The following ZNF45 variants were observed in gnomAD, a reference collection of about 807,000 sequenced individuals.
ZNF45 encodes the protein BRC1744.
Under a neutral mutation model 12.0 loss-of-function variants are expected in ZNF45, and 4 were observed. The ratio of observed to expected loss-of-function variants is 0.33; its 90% CI spans 0.16 to 0.76. The LOEUF (loss-of-function observed/expected upper bound fraction) is 0.76, where lower values mean the gene tolerates loss of function less well. ZNF45 is among the 30% of genes least tolerant of loss of function. The pLI, the probability that ZNF45 is intolerant of heterozygous loss-of-function variation, is 0.60. For synonymous variants in ZNF45, 272 were observed against 279.6 expected (o/e 0.97, Z 0.27); for missense variants, 700 against 813.0 (o/e 0.86, Z 1.69).
chr19:43,933,283 A>G (rs113757956), intron 2 of ZNF45, among the ~76,000 whole-genome samples: 15,497 of 152,154 alleles, frequency 0.1, 899 homozygotes, highest in East Asian at 0.14. Context: ...AGCCTGGCCA[A>G]CATGGAGAAA....
chr19:43,925,879 C>G (rs1019322973), intron 3 of ZNF45, among the ~76,000 whole-genome samples: 1 of 152,132 alleles, frequency 6.6e-6, no homozygotes, highest in Non-Finnish European at 1.5e-5. Context: ...GTGATCCACC[C>G]GCCTTGGCCT....
chr19:43,914,015 C>CA lies in ZNF45; in HGVS notation c.1420dup (p.Cys474LeufsTer15), dbSNP rs1474886924. ...ACTGAAGCCCTTCCCACATGTACCA[C>CA]ATTTGTAGGGTTTCTCTCCAGTGTG... On this transcript the variant is annotated frameshift_variant, in exon 10 of 10. Coordinates refer to ENST00000269973, the MANE Select transcript of ZNF45 (RefSeq NM_003425.4). LOFTEE classifies it low-confidence loss of function (END_TRUNC). The CA allele has an allele frequency of 6.2e-7, 1 of 1,613,910 alleles. No individual in the cohort carries two copies. Among genetic ancestry groups the CA allele is most frequent in the African/African-American group, 1.3e-5 (1 of 74,870 alleles).
At chr19:43,929,828 A>G (rs180979918) in intron 3 of ZNF45, 1 of 152,252 alleles carries the variant, frequency 6.6e-6, no homozygotes, top group East Asian at 1.9e-4. Flanking sequence ...TCACTACAAA[A>G]TCAACCTACC....
At chr19:43,931,724 T>A (rs1167321054) in intron 3 of ZNF45, among the ~76,000 whole-genome samples, 2 of 152,116 alleles carry the variant, frequency 1.3e-5, no homozygotes, top group Non-Finnish European at 2.9e-5. Context: ...TACGAGGTAG[T>A]TATTAATATC....
At chr19:43,931,251 G>A (rs1401712863) in intron 3 of ZNF45, 2 of 152,112 alleles carry the variant, frequency 1.3e-5, no homozygotes, top group African/African-American at 4.8e-5. Flanking sequence ...ATATACCTTT[G>A]AGGCTGGGCA....
intron 6 of ZNF45, among the ~76,000 whole-genome samples, chr19:43,923,852 T>C (rs1973430375): frequency 6.6e-6 from 1 of 151,494 alleles, no homozygotes; most frequent in African/African-American, 2.4e-5. Context: ...AATTTGGCTG[T>C]GTAGAGTGGC....
chr19:43,914,088 C>T lies in ZNF45; in HGVS notation c.1348G>A (p.Gly450Ser), dbSNP rs1972432378. 1.2e-6 allele frequency: 2 copies of T among 1,614,016 alleles called. No individual in the cohort carries two copies. Among genetic ancestry groups the T allele is most frequent in the South Asian group, 1.1e-5 (1 of 91,084 alleles). ...GEKPYKCEEC[G>S]KGFSQASNLL... is the part of the protein sequence containing the mutation. ...TTTGAGGCCTGGCTGAAGCCCTTGC[C>T]ACACTCCTCACATTTATAGGGTTTT... Residue 450 changes from glycine (G) to serine (S), a missense_variant, in exon 10 of 10, where the codon GGC (glycine) becomes AGC (serine). Coordinates refer to ENST00000269973, the MANE Select transcript of ZNF45 (RefSeq NM_003425.4).
intron 3 of ZNF45, among the ~76,000 whole-genome samples, chr19:43,926,064 A>G (rs2147089725): frequency 1.3e-5 from 2 of 152,344 alleles, no homozygotes; most frequent in East Asian, 3.9e-4. Flanking sequence ...ATAATAGCAA[A>G]TCAACCATCT....
rs927719166 is a variant in ZNF45 at position 43,913,511 on chromosome 19, C to T, written c.1925G>A (p.Cys642Tyr). 1 of 1,613,888 alleles carries T rather than the reference C, an allele frequency of 6.2e-7. No homozygotes were observed. The change falls in exon 10 of 10, where the codon TGT (cysteine) becomes TAT (tyrosine). Residue 642 changes from cysteine to tyrosine, a missense_variant. By Grantham distance (194) the Cys-to-Tyr change is radical. Transcript: ENST00000269973. ...ACTGAAGCCCTTCCCACACTCCTCACATTTGTATGGTTTTTCTCCGGTGTG... is the reference window on the plus strand; with the variant it reads ...ACTGAAGCCCTTCCCACACTCCTCATATTTGTATGGTTTTTCTCCGGTGTG... ...RVHTGEKPYK[C>Y]EECGKGFSWS...
At chr19:43,932,941 T>C (rs1028011648) in intron 2 of ZNF45, among the ~76,000 whole-genome samples, 1 of 152,104 alleles carries the variant, frequency 6.6e-6, no homozygotes, top group African/African-American at 2.4e-5. Flanking sequence ...GAAATAACTG[T>C]CTTTGGAAAT....
Position 43,914,860 on chromosome 19 carries a change from G to T in ZNF45, c.576C>A (p.Tyr192Ter). 2 of 1,612,902 alleles carry T rather than the reference G, an allele frequency of 1.2e-6. No individual in the cohort carries two copies. Among genetic ancestry groups the T allele is most frequent in the Non-Finnish European group, 8.5e-7 (1 of 1,179,040 alleles). ...NQRAHAGEKP[Y>*]KCEKCDNAFR... ...AGGCATTATCACATTTTTCACATTT[G>T]TAGGGCTTCTCTCCTGCATGAGCCC... The change falls in exon 10 of 10, where the codon TAC becomes TAA. Residue 192 changes from tyrosine to a stop codon, truncating the protein, a stop_gained. Transcript: ENST00000269973. LOFTEE classifies it low-confidence loss of function (END_TRUNC).
At chr19:43,920,071 C>G (rs1002785737) in intron 7 of ZNF45, among the ~76,000 whole-genome samples, 1 of 152,084 alleles carries the variant, frequency 6.6e-6, no homozygotes, top group East Asian at 1.9e-4. Context: ...ATTTTCCATA[C>G]CATAGATAAC....
At chr19:43,922,273 C>CG in intron 6 of ZNF45, 56 bp from the exon 7 acceptor site, 3 of 1,281,194 alleles carry the variant, frequency 2.3e-6, no homozygotes, top group African/African-American at 3.0e-5. Flanking sequence ...GAGAGTTTGG[C>CG]CAAAAAAAAA....
chr19:43,931,210 T>C (rs1568464139), intron 3 of ZNF45: 1 of 152,154 alleles, frequency 6.6e-6, no homozygotes, highest in East Asian at 1.9e-4. Context: ...ATAGAAAAAG[T>C]GGAAAGTGGG....
chr19:43,916,301 A>G (rs1197976959), intron 9 of ZNF45, among the ~76,000 whole-genome samples: 1 of 151,910 alleles, frequency 6.6e-6, no homozygotes, highest in Non-Finnish European at 1.5e-5. Flanking sequence ...TTTTTTGTAG[A>G]GATGGGGTTT....
chr19:43,919,312 T>A (rs1268835721), intron 8 of ZNF45, among the ~76,000 whole-genome samples: 1 of 152,158 alleles, frequency 6.6e-6, no homozygotes, highest in Non-Finnish European at 1.5e-5. Context: ...ATTCATCAAA[T>A]GTATATCAGG....
intron 6 of ZNF45, among the ~76,000 whole-genome samples, chr19:43,922,750 T>C (rs751860836): frequency 2.0e-4 from 31 of 151,982 alleles, no homozygotes; most frequent in Non-Finnish European, 4.3e-4. Flanking sequence ...GAGTACCTTA[T>C]TTCTTAGCTG....
Position 43,913,952 on chromosome 19 carries a change from G to A in ZNF45, c.1484C>T (p.Thr495Ile). ...CTCGCATTTATAGGGTTTCTCTCCT[G>A]TGTGGATTCTACAGTGTACATTAAG... The part of the protein sequence containing the change: ...SDLNVHCRIH[T>I]GEKPYKCERC... Residue 495 changes from threonine (T) to isoleucine (I), a missense_variant, in exon 10 of 10, where the codon ACA becomes ATA. Thr to Ile is a moderately conservative substitution (Grantham distance 89). Transcript: ENST00000269973. 1.2e-6 allele frequency: 2 copies of A among 1,603,136 alleles called. No homozygotes were observed. Among genetic ancestry groups the A allele is most frequent in the Non-Finnish European group, 1.7e-6 (2 of 1,171,958 alleles).
intron 3 of ZNF45, among the ~76,000 whole-genome samples, chr19:43,927,372 C>T (rs1282623138): frequency 6.6e-6 from 1 of 152,190 alleles, no homozygotes; most frequent in Non-Finnish European, 1.5e-5. Flanking sequence ...GATAGATACA[C>T]CATGTGGATC....
Sources: gnomAD v4.1 joint callset for allele counts (sites outside exome capture counted in the v4.1 genomes callset) on GRCh38, gnomAD v4.1.1 for gene constraint, MANE v1.5 for transcripts, NCBI Gene and HGNC (gene_info 2026-07-23, HGNC 2026-07-21) for gene names.